THSD4: variants seen among roughly 807,000 people sequenced by gnomAD.
THSD4 encodes the protein thrombospondin type-1 domain-containing protein 4.
A neutral mutation model predicts 119.0 loss-of-function variants in THSD4; 69 were observed. The ratio of observed to expected loss-of-function variants is 0.58; its 90% confidence interval spans 0.48 to 0.71. The LOEUF (loss-of-function observed/expected upper bound fraction) is 0.71, where lower values mean the gene tolerates loss of function less well. Among genes scored for constraint, THSD4 ranks in the 30% least tolerant of loss-of-function variants. The pLI, the probability that THSD4 is intolerant of heterozygous loss-of-function variation, is 0.00. For synonymous variants in THSD4, 524 were observed against 540.4 expected, an observed-to-expected ratio of 0.97 and a Z score of 0.42; for missense variants, 1,393 against 1,391.1, an observed-to-expected ratio of 1.00 and a Z score of -0.02.
At chr15:71,701,012 A>G (rs1186071655) in intron 8 of THSD4, among the ~76,000 whole-genome samples, 1 of 152,098 alleles carries the variant, frequency 6.6e-6, no homozygotes, top group African/African-American at 2.4e-5. Flanking sequence ...CTCTATAAGC[A>G]TTAAAAAGGT....
chr15:71,112,084 G>C, upstream of THSD4: 1 of 1,610,826 alleles, frequency 6.2e-7, no homozygotes, highest in East Asian at 2.2e-5. Context: ...CACATGCCCT[G>C]AACTCCCAGA....
At chr15:71,259,842 A>G (rs2044368911) in intron 6 of THSD4, among the ~76,000 whole-genome samples, 4 of 152,250 alleles carry the variant, frequency 2.6e-5, no homozygotes, top group African/African-American at 9.6e-5. Flanking sequence ...TTCTTGTGTC[A>G]GAACAACAAT....
intron 1 of THSD4, among the ~76,000 whole-genome samples, chr15:71,124,779 A>G (rs76780328): frequency 0.029 from 4,434 of 152,300 alleles, 228 homozygotes; most frequent in African/African-American, 0.1. Context: ...ACGGTGGCTC[A>G]TGCCTGTAAT....
chr15:71,542,887 A>AAT (rs397792236), intron 7 of THSD4, among the ~76,000 whole-genome samples: 1 of 151,700 alleles, frequency 6.6e-6, no homozygotes, highest in Non-Finnish European at 1.5e-5. Flanking sequence ...AAAAAAAAAA[A>AAT]CAAAAAAACA....
In THSD4 at chr15:71,256,701, A is replaced by G; in HGVS notation, c.1001A>G (p.Glu334Gly). 2 of 1,613,852 alleles carry G rather than the reference A, an allele frequency of 1.2e-6. No individual in the cohort carries two copies. Among genetic ancestry groups the G allele is most frequent in the Non-Finnish European group, 1.7e-6 (2 of 1,179,854 alleles). Reference protein sequence around the residue: ...KPFMGRFYEWEPFAEVKGNRK... With the variant: ...KPFMGRFYEWGPFAEVKGNRK... ...TTCATGGGCCGGTTTTATGAGTGGGAACCATTTGCAGAAGGTAAGAATAGA... is the reference window on the plus strand; with the variant it reads ...TTCATGGGCCGGTTTTATGAGTGGGGACCATTTGCAGAAGGTAAGAATAGA... The change falls in exon 6 of 18, where the codon GAA becomes GGA. Residue 334 changes from glutamate to glycine, a missense_variant. Glu to Gly is a moderately conservative substitution (Grantham distance 98, BLOSUM62 -2). Coordinates refer to ENST00000261862, the MANE Select transcript of THSD4 (RefSeq NM_024817.3).
At chr15:71,301,648 T>C (rs2044951748) in intron 6 of THSD4, among the ~76,000 whole-genome samples, 1 of 152,248 alleles carries the variant, frequency 6.6e-6, no homozygotes, top group African/African-American at 2.4e-5. Context: ...TGAACGTAAA[T>C]TGATGCTTCT....
At chr15:71,403,454 A>G (rs2046565450) in intron 6 of THSD4, among the ~76,000 whole-genome samples, 1 of 152,106 alleles carries the variant, frequency 6.6e-6, no homozygotes, top group African/African-American at 2.4e-5. Flanking sequence ...GGGTGCTTGT[A>G]TTATCTTTTC....
At chr15:71,344,734 A>C (rs967156546) in intron 6 of THSD4, among the ~76,000 whole-genome samples, 1 of 152,174 alleles carries the variant, frequency 6.6e-6, no homozygotes, top group Non-Finnish European at 1.5e-5. Context: ...GAAGCACCAA[A>C]TTGTATCATG....
At chr15:71,442,579 A>AAATAAAAT (rs1195413080) in intron 7 of THSD4, among the ~76,000 whole-genome samples, 1 of 39,860 alleles carries the variant, frequency 2.5e-5, no homozygotes, top group African/African-American at 7.4e-5. Context: ...AAAAAAAAAA[A>AAATAAAAT]ATATATATAT....
At chr15:71,192,180 G>A (rs1440143252) in intron 3 of THSD4, among the ~76,000 whole-genome samples, 2 of 152,012 alleles carry the variant, frequency 1.3e-5, no homozygotes, top group African/African-American at 4.8e-5. Context: ...GGGATTACAG[G>A]TGTGAGCCAC....
At chr15:71,228,690 G>A (rs1302034002) in intron 4 of THSD4, among the ~76,000 whole-genome samples, 3 of 152,136 alleles carry the variant, frequency 2.0e-5, no homozygotes, top group African/African-American at 7.2e-5. Flanking sequence ...AGAGAACCTG[G>A]CTTTAAAGCC....
intron 7 of THSD4, among the ~76,000 whole-genome samples, chr15:71,608,239 T>TACACACAC (rs1189502927): frequency 6.0e-5 from 4 of 66,982 alleles, no homozygotes; most frequent in South Asian, 6.1e-4. Context: ...AAAAAAAAAA[T>TACACACAC]ATATATATAT....
Position 71,735,541 on chromosome 15 carries a change from G to C in THSD4, c.1631-2191G>C, listed in dbSNP as rs539954465. On this transcript the variant is annotated intron_variant, in intron 10 of 17. Coordinates refer to ENST00000261862, the MANE Select transcript of THSD4 (RefSeq NM_024817.3). ...CTCTCTTACCATCTCCCTCTCTTTT[G>C]CTCTCTCTTTATTGCTCTCTGTCTC... is the stretch of plus-strand genomic sequence containing the variant. 3.0e-4 allele frequency among the ~76,000 whole-genome samples: 40 copies of C among 133,280 alleles called. No individual in the cohort carries two copies. The South Asian group carries it at 8.9e-3, about 30-fold the overall frequency. 87.4% of individuals were successfully genotyped at this position (133,280 alleles called of 152,430 possible). A position where few individuals can be genotyped will look rare whatever the true frequency, so the allele number is the denominator to read the frequency against.
intron 4 of THSD4, among the ~76,000 whole-genome samples, chr15:71,222,396 C>T (rs28409664): frequency 0.01 from 1,556 of 152,292 alleles, 29 homozygotes; most frequent in African/African-American, 0.035. Context: ...CTTTTCTGGT[C>T]ATTCATCACA....
intron 7 of THSD4, among the ~76,000 whole-genome samples, chr15:71,454,903 G>GTT (rs1464319938): frequency 6.6e-6 from 1 of 152,202 alleles, no homozygotes; most frequent in African/African-American, 2.4e-5. Flanking sequence ...CAAGATGGGA[G>GTT]GAATAAACAC....
chr15:71,490,978 A>G (rs1006528707), intron 7 of THSD4, among the ~76,000 whole-genome samples: 1 of 152,220 alleles, frequency 6.6e-6, no homozygotes, highest in Non-Finnish European at 1.5e-5. Context: ...AGGGTTTCCA[A>G]ACTCTGTTGT....
chr15:71,293,362 G>A (rs1315955885), intron 6 of THSD4, among the ~76,000 whole-genome samples: 1 of 152,130 alleles, frequency 6.6e-6, no homozygotes, highest in African/African-American at 2.4e-5. Flanking sequence ...TGTGGTTGGT[G>A]TTCTGGGTGC....
At chr15:71,276,084 C>T (rs1487159369) in intron 6 of THSD4, among the ~76,000 whole-genome samples, 1 of 152,214 alleles carries the variant, frequency 6.6e-6, no homozygotes, top group Non-Finnish European at 1.5e-5. Flanking sequence ...CTCCATGAAT[C>T]AGTGGGAGTT....
chr15:71,150,987 A>C (rs1014460793), intron 2 of THSD4, among the ~76,000 whole-genome samples: 2 of 152,144 alleles, frequency 1.3e-5, no homozygotes, highest in African/African-American at 4.8e-5. Context: ...GATCTCATGG[A>C]GCTTACATTC....
Sources: allele counts gnomAD v4.1 joint callset (sites outside exome capture counted in the v4.1 genomes callset), GRCh38; gene constraint gnomAD v4.1.1; transcripts MANE v1.5; gene names NCBI Gene and HGNC (gene_info 2026-07-23, HGNC 2026-07-21).